FSTL4: variants seen among roughly 807,000 people sequenced by gnomAD.
FSTL4 encodes follistatin-related protein 4.
FSTL4 carries 28 observed loss-of-function variants against 78.2 expected under a neutral mutation model. That is an observed-to-expected ratio of 0.36 (90% CI 0.27 to 0.49). The LOEUF is 0.49. Among genes scored for constraint, FSTL4 ranks in the 20% least tolerant of loss-of-function variants. FSTL4 has a pLI of 0.98. For missense variants in FSTL4, 922 were observed against 1,084.9 expected, an observed-to-expected ratio of 0.85 and a Z score of 2.11; for synonymous variants, 422 against 440.5, an observed-to-expected ratio of 0.96 and a Z score of 0.53.
intron 3 of FSTL4, among the ~76,000 whole-genome samples, chr5:133,554,799 T>A (rs1167333062): frequency 6.6e-6 from 1 of 152,072 alleles, no homozygotes; most frequent in East Asian, 1.9e-4. Flanking sequence ...CAGTGAGAGG[T>A]TTGGATTGGA....
intron 4 of FSTL4, among the ~76,000 whole-genome samples, chr5:133,380,693 T>C (rs1755547774): frequency 6.6e-6 from 1 of 151,702 alleles, no homozygotes; most frequent in Non-Finnish European, 1.5e-5. Flanking sequence ...ATCAACCTTA[T>C]ATCAAAACCA....
chr5:133,814,229 G>A, the FSTL4 span, among the ~76,000 whole-genome samples: 3 of 152,220 alleles, frequency 2.0e-5, no homozygotes, highest in Non-Finnish European at 2.9e-5. Context: ...CTGGGTCTTC[G>A]TGCAAGGTTC....
chr5:133,699,253 A>G, the FSTL4 span, among the ~76,000 whole-genome samples: 3 of 152,170 alleles, frequency 2.0e-5, no homozygotes, highest in African/African-American at 7.2e-5. Flanking sequence ...GCTAGATTCC[A>G]CTTGCTTCAG....
At chr5:133,275,122 G>A (rs949716058) in intron 6 of FSTL4, among the ~76,000 whole-genome samples, 1 of 151,552 alleles carries the variant, frequency 6.6e-6, no homozygotes, top group African/African-American at 2.4e-5. Flanking sequence ...AAGTTAGCTG[G>A]GCTTGGTGGT....
chr5:133,645,457 G>C, the FSTL4 span, among the ~76,000 whole-genome samples: 1 of 152,154 alleles, frequency 6.6e-6, no homozygotes, highest in Non-Finnish European at 1.5e-5. Flanking sequence ...TCTGAGGAAA[G>C]CTGGCTGGTT....
At chr5:133,629,395 G>A in the FSTL4 span, among the ~76,000 whole-genome samples, 1 of 152,126 alleles carries the variant, frequency 6.6e-6, no homozygotes, top group African/African-American at 2.4e-5. Context: ...AGAAAATCTA[G>A]AAGAAATGGA....
chr5:133,249,277 A>G (rs1752136644), intron 7 of FSTL4, 133 bp downstream of exon 7: 1 of 700,718 alleles, frequency 1.4e-6, no homozygotes, highest in Non-Finnish European at 2.5e-6. Flanking sequence ...CAAGCTGACA[A>G]CAGGCTAGAA....
the FSTL4 span, among the ~76,000 whole-genome samples, chr5:133,767,868 C>T: frequency 6.6e-6 from 1 of 152,192 alleles, no homozygotes; most frequent in Admixed American, 6.5e-5. Flanking sequence ...CTTTGTGCAG[C>T]ATCTCCCTCT....
intron 3 of FSTL4, among the ~76,000 whole-genome samples, chr5:133,531,474 G>A (rs1265937108): frequency 6.6e-6 from 1 of 152,200 alleles, no homozygotes. Context: ...GAGGGCCAGA[G>A]CTGAGTGTGG....
rs144960114 is a variant in FSTL4, at chr5:133,439,225, C to A, written c.161-38239G>T. ...GACAACGGGAATAGAACAAGAGTGT[C>A]TAGGCCTATCTTCCTTTTTATGTTT... On this transcript the variant is annotated intron_variant, in intron 3 of 15. Transcript: ENST00000265342. 3.8e-3 allele frequency among the ~76,000 whole-genome samples: 572 copies of A among 152,286 alleles called. 4 individuals carry two copies. The highest frequency in any genetic ancestry group is 0.014 in the African/African-American group (562 of 41,554).
the FSTL4 span, among the ~76,000 whole-genome samples, chr5:133,791,520 C>T: frequency 2.0e-5 from 3 of 152,190 alleles, no homozygotes; most frequent in East Asian, 1.9e-4. Context: ...ACTCAGTAAA[C>T]GTTTGTTGAA....
At chr5:133,383,043 T>C (rs1164441495) in intron 4 of FSTL4, among the ~76,000 whole-genome samples, 2 of 152,128 alleles carry the variant, frequency 1.3e-5, no homozygotes, top group Admixed American at 6.5e-5. Context: ...TACTGACATG[T>C]TACTCCTTGG....
intron 4 of FSTL4, among the ~76,000 whole-genome samples, chr5:133,360,473 ATTTT>A (rs57176651): frequency 3.6e-4 from 47 of 131,006 alleles, no homozygotes; most frequent in Admixed American, 1.4e-3. Context: ...TCAGGCAATA[ATTTT>A]TTTTTTTTTT....
intron 4 of FSTL4, among the ~76,000 whole-genome samples, chr5:133,318,250 G>A (rs1166635479): frequency 6.6e-6 from 1 of 152,180 alleles, no homozygotes. Flanking sequence ...TGCCTGGTAG[G>A]ATATTGATTC....
intron 3 of FSTL4, among the ~76,000 whole-genome samples, chr5:133,544,919 C>G (rs1230624673): frequency 6.6e-6 from 1 of 152,118 alleles, no homozygotes; most frequent in Non-Finnish European, 1.5e-5. Flanking sequence ...GTATAGAGAG[C>G]TTGGTAAATA....
chr5:133,723,261 C>G, the FSTL4 span, among the ~76,000 whole-genome samples: 1 of 152,176 alleles, frequency 6.6e-6, no homozygotes, highest in Non-Finnish European at 1.5e-5. Flanking sequence ...TGGGATGTGG[C>G]TGTAGTTTTC....
intron 13 of FSTL4, among the ~76,000 whole-genome samples, chr5:133,213,036 G>A (rs1228196884): frequency 6.7e-6 from 1 of 148,304 alleles, no homozygotes; most frequent in Non-Finnish European, 1.5e-5. Context: ...TTTTTGAGAC[G>A]GAGTCTCCCT....
the FSTL4 span, among the ~76,000 whole-genome samples, chr5:133,662,360 C>CA: frequency 6.6e-6 from 1 of 152,140 alleles, no homozygotes; most frequent in Non-Finnish European, 1.5e-5. Flanking sequence ...TGCCAAATTA[C>CA]AGTGGATATT....
chr5:133,401,478 C>A (rs1318295850), intron 3 of FSTL4, among the ~76,000 whole-genome samples: 1 of 152,214 alleles, frequency 6.6e-6, no homozygotes, highest in African/African-American at 2.4e-5. Context: ...CCCTCCACCC[C>A]CTGCCTGCAA....
Sources: gnomAD v4.1 joint callset for allele counts (sites outside exome capture counted in the v4.1 genomes callset) on GRCh38, gnomAD v4.1.1 for gene constraint, MANE v1.5 for transcripts, NCBI Gene and HGNC (gene_info 2026-07-23, HGNC 2026-07-21) for gene names.